UBE2E2: variants seen among roughly 807,000 people sequenced by gnomAD.
UBE2E2 encodes the protein ubiquitin-conjugating enzyme E2 E2.
In UBE2E2, 6 loss-of-function variants were observed where a neutral mutation model predicts 24.7. The ratio of observed to expected loss-of-function variants is 0.24; its 90% CI spans 0.13 to 0.48. The LOEUF is 0.48. Among genes scored for constraint, UBE2E2 ranks in the 20% least tolerant of loss-of-function variants. The pLI is 0.99. For missense variants in UBE2E2, 169 were observed against 245.0 expected, an observed-to-expected ratio of 0.69 and a Z score of 2.07; for synonymous variants, 104 against 83.6, an observed-to-expected ratio of 1.24 and a Z score of -1.33.
chr3:23,468,263 C>T (rs552173496), intron 3 of UBE2E2, among the ~76,000 whole-genome samples: 1 of 152,306 alleles, frequency 6.6e-6, no homozygotes, highest in South Asian at 2.1e-4. Context: ...TCTGGACTTT[C>T]AATTGTTAGC....
At position 23,225,384 on chromosome 3, in the gene UBE2E2, C is replaced by A. The variant is rs547492044; in HGVS notation, c.227+8072C>A. Among the ~76,000 whole-genome samples the A allele has an allele frequency of 3.2e-4, 49 of 152,162 alleles. No individual in the cohort carries two copies. In the East Asian group the frequency reaches 4.6e-3, roughly 14 times the overall value. Reference sequence around the variant, plus strand: ...GAAACCATTGCCTAATCCAAGACCACGAAGATTTACATCTGTATTTTTTCC... The same window carrying A: ...GAAACCATTGCCTAATCCAAGACCAAGAAGATTTACATCTGTATTTTTTCC... On this transcript the variant is annotated intron_variant, in intron 3 of 5. Coordinates refer to ENST00000396703, the MANE Select transcript of UBE2E2 (RefSeq NM_152653.4).
At chr3:23,310,433 G>A (rs1356411893) in intron 3 of UBE2E2, among the ~76,000 whole-genome samples, 1 of 151,450 alleles carries the variant, frequency 6.6e-6, no homozygotes, top group African/African-American at 2.4e-5. Flanking sequence ...TTTCTTGTTC[G>A]TTATTGTTAC....
intron 3 of UBE2E2, among the ~76,000 whole-genome samples, chr3:23,263,803 A>G (rs2125356124): frequency 6.6e-6 from 1 of 152,266 alleles, no homozygotes; most frequent in East Asian, 1.9e-4. Flanking sequence ...TAGATGGTGT[A>G]TATCTTAAAA....
intron 3 of UBE2E2, among the ~76,000 whole-genome samples, chr3:23,231,013 T>C (rs934658793): frequency 1.3e-5 from 2 of 152,110 alleles, no homozygotes; most frequent in African/African-American, 4.8e-5. Context: ...AGAGAAATAA[T>C]GGGAGACATC....
intron 3 of UBE2E2, among the ~76,000 whole-genome samples, chr3:23,438,876 T>C (rs1273717903): frequency 6.6e-6 from 1 of 152,200 alleles, no homozygotes; most frequent in Non-Finnish European, 1.5e-5. Flanking sequence ...CCACCATCAC[T>C]ACAAATTTTC....
chr3:23,474,046 G>A lies in UBE2E2; in HGVS notation c.228-25562G>A, dbSNP rs532477858. 4.6e-5 allele frequency among the ~76,000 whole-genome samples: 7 copies of A among 152,070 alleles called. No homozygotes were observed. Among genetic ancestry groups the A allele is most frequent in the South Asian group, 2.1e-4 (1 of 4,822 alleles). On this transcript the variant is annotated intron_variant, in intron 3 of 5. Coordinates refer to ENST00000396703, the MANE Select transcript of UBE2E2 (RefSeq NM_152653.4). This position sits in a 1 kb window ranked among gnomAD's most constrained non-coding sequence, Gnocchi z 4.0. ...AGTGTAGAAGTATTCCCTTTTCACC[G>A]CATCTATGCCAACATATATATATTT...
At chr3:23,344,679 CA>C (rs1695497485) in intron 3 of UBE2E2, among the ~76,000 whole-genome samples, 2 of 151,724 alleles carry the variant, frequency 1.3e-5, no homozygotes, top group Non-Finnish European at 2.9e-5. Flanking sequence ...CATAGTGAGA[CA>C]AACCTTGTTT....
At chr3:23,504,160 CT>C (rs1694376321) in intron 4 of UBE2E2, among the ~76,000 whole-genome samples, 1 of 152,026 alleles carries the variant, frequency 6.6e-6, no homozygotes. Context: ...ACACATACAC[CT>C]TTTTACAAAA....
chr3:23,322,256 A>T (rs1183001293), intron 3 of UBE2E2, among the ~76,000 whole-genome samples: 1 of 152,192 alleles, frequency 6.6e-6, no homozygotes, highest in Admixed American at 6.5e-5. Flanking sequence ...AAATGTCACC[A>T]TCTGGGCTGC....
chr3:23,378,567 T>C (rs1245404777), intron 3 of UBE2E2, among the ~76,000 whole-genome samples: 5 of 152,222 alleles, frequency 3.3e-5, no homozygotes, highest in South Asian at 4.1e-4. Context: ...CATGTACCTA[T>C]ATGTAAAATA....
intron 4 of UBE2E2, among the ~76,000 whole-genome samples, chr3:23,524,831 A>T (rs553708371): frequency 6.6e-6 from 1 of 150,546 alleles, no homozygotes; most frequent in South Asian, 2.1e-4. Flanking sequence ...AAGTAATGAG[A>T]CAGCTGGGAG....
intron 3 of UBE2E2, among the ~76,000 whole-genome samples, chr3:23,288,218 A>G (rs1332994921): frequency 6.6e-6 from 1 of 152,170 alleles, no homozygotes. Flanking sequence ...ACGTTTGTAT[A>G]GTTTTGAAAA....
chr3:23,347,543 G>T (rs1695598021), intron 3 of UBE2E2, among the ~76,000 whole-genome samples: 1 of 152,044 alleles, frequency 6.6e-6, no homozygotes, highest in Non-Finnish European at 1.5e-5. Context: ...TCACACACTG[G>T]GGCCTGTTGT....
In UBE2E2 at chr3:23,454,249, C is replaced by G. The variant is rs559668055; in HGVS notation, c.228-45359C>G. On this transcript the variant is annotated intron_variant, in intron 3 of 5. Coordinates refer to ENST00000396703, the MANE Select transcript of UBE2E2 (RefSeq NM_152653.4). ...TTTTAACAGTACTTAAATGTAATAA[C>G]TTTATACCATGTGTTTATTAGTTAT... Among the ~76,000 whole-genome samples the G allele has an allele frequency of 1.9e-3, 288 of 152,204 alleles. 2 individuals carry two copies. Among genetic ancestry groups the G allele is most frequent in the African/African-American group, 6.6e-3 (276 of 41,518 alleles).
intron 4 of UBE2E2, among the ~76,000 whole-genome samples, chr3:23,508,142 A>G (rs1474286144): frequency 6.6e-6 from 1 of 152,180 alleles, no homozygotes; most frequent in Non-Finnish European, 1.5e-5. Context: ...AACTTTTAAT[A>G]ATGGCATGCT....
chr3:23,561,145 C>T (rs1695918920), intron 5 of UBE2E2, among the ~76,000 whole-genome samples: 1 of 152,066 alleles, frequency 6.6e-6, no homozygotes, highest in African/African-American at 2.4e-5. Context: ...TCCTTGACCC[C>T]CATCCCTATG....
In UBE2E2 at chr3:23,591,764, A is replaced by G. The variant is rs1696770514; in HGVS notation, c.*1933A>G. On this transcript the variant is annotated 3_prime_UTR_variant, in exon 6 of 6. Transcript: ENST00000396703. ...ACGATGTGTCATTTCTTTCTTTAAC[A>G]TAAAATAAATTCAATATGGTACAAC... 6.6e-6 allele frequency: 1 copy of G among 152,236 alleles called. No homozygotes were observed. The highest frequency in any genetic ancestry group is 2.4e-5 in the African/African-American group (1 of 41,466). 9.4% of individuals were successfully genotyped at this position (152,236 alleles called of 1,614,324 possible).
chr3:23,588,974 C>T (rs1185867939), intron 5 of UBE2E2, among the ~76,000 whole-genome samples: 1 of 152,146 alleles, frequency 6.6e-6, no homozygotes, highest in Non-Finnish European at 1.5e-5. Context: ...TCTGGCGTCT[C>T]CTCAGATAAG....
chr3:23,327,750 A>G (rs1694942421), intron 3 of UBE2E2, among the ~76,000 whole-genome samples: 1 of 152,218 alleles, frequency 6.6e-6, no homozygotes, highest in Admixed American at 6.5e-5. Context: ...AACATTTTGC[A>G]GGTCTGAAAA....
Sources: gnomAD v4.1 joint callset for allele counts (sites outside exome capture counted in the v4.1 genomes callset) on GRCh38, gnomAD v4.1.1 for gene constraint, Gnocchi (gnomAD v3.1) non-coding constraint, MANE v1.5 for transcripts, NCBI Gene and HGNC (gene_info 2026-07-23, HGNC 2026-07-21) for gene names.